Variants in PDK1 observed in about 807,000 individuals in gnomAD.
PDK1 encodes pyruvate dehydrogenase kinase 1.
In PDK1, 39 loss-of-function variants were observed where a neutral mutation model predicts 54.2. The ratio of observed to expected loss-of-function variants is 0.72; its 90% CI spans 0.56 to 0.94. The LOEUF is 0.94. Ranked by LOEUF, PDK1 falls within the 40% of genes least tolerant of loss-of-function variation. The pLI is 0.00. For synonymous variants in PDK1, 221 were observed against 207.1 expected, an observed-to-expected ratio of 1.07 and a Z score of -0.58; for missense variants, 552 against 566.0, an observed-to-expected ratio of 0.98 and a Z score of 0.25.
chr2:172,617,438 A>G, the PDK1 span, among the ~76,000 whole-genome samples: 1 of 152,044 alleles, frequency 6.6e-6, no homozygotes, highest in Non-Finnish European at 1.5e-5. Flanking sequence ...GAGAATGAAA[A>G]TTTATTCTCT....
chr2:172,645,197 A>C, the PDK1 span, among the ~76,000 whole-genome samples: 2 of 145,760 alleles, frequency 1.4e-5, no homozygotes, highest in Non-Finnish European at 3.0e-5. Context: ...ATTTACCAGC[A>C]CTGCACTGAT....
intron 9 of PDK1, among the ~76,000 whole-genome samples, chr2:172,590,762 C>T (rs973202100): frequency 2.6e-5 from 3 of 117,508 alleles, no homozygotes; most frequent in African/African-American, 8.3e-5. Context: ...CCACCCATGT[C>T]CTGCTGATTG....
At chr2:172,615,319 T>G in the PDK1 span, among the ~76,000 whole-genome samples, 1 of 152,208 alleles carries the variant, frequency 6.6e-6, no homozygotes, top group African/African-American at 2.4e-5. Flanking sequence ...ACTTCTCTAC[T>G]GCCATTAAAA....
intron 2 of PDK1, among the ~76,000 whole-genome samples, chr2:172,560,072 G>A (rs6723492): frequency 9.0e-4 from 137 of 152,218 alleles, no homozygotes; most frequent in African/African-American, 3.2e-3. Context: ...CTCAAACTCC[G>A]GAGGTCAAGG....
intron 7 of PDK1, 157 bp from the exon 8 acceptor site, chr2:172,570,569 C>T: frequency 2.1e-6 from 1 of 483,520 alleles, no homozygotes; most frequent in South Asian, 4.1e-5. Flanking sequence ...AAATTGACTC[C>T]ATTAAAAAAA....
At chr2:172,684,874 C>T in the PDK1 span, among the ~76,000 whole-genome samples, 1 of 152,310 alleles carries the variant, frequency 6.6e-6, no homozygotes, top group South Asian at 2.1e-4. Flanking sequence ...CAAATCTCAT[C>T]TTGAATTGTA....
At chr2:172,682,954 T>C in the PDK1 span, among the ~76,000 whole-genome samples, 2 of 152,046 alleles carry the variant, frequency 1.3e-5, no homozygotes, top group South Asian at 2.1e-4. Context: ...GACTTTATGG[T>C]TTTTGTGCTG....
the PDK1 span, among the ~76,000 whole-genome samples, chr2:172,699,583 C>A: frequency 6.0e-5 from 9 of 150,170 alleles, no homozygotes; most frequent in South Asian, 1.7e-3. Flanking sequence ...CAGGTAATTG[C>A]GACCGATTTT....
chr2:172,622,272 G>A, the PDK1 span, among the ~76,000 whole-genome samples: 1 of 134,192 alleles, frequency 7.5e-6, no homozygotes, highest in South Asian at 2.3e-4. Context: ...TGTGAGATAT[G>A]TTTATATCTC....
the PDK1 span, among the ~76,000 whole-genome samples, chr2:172,692,010 C>T: frequency 1.8e-3 from 268 of 152,290 alleles, 1 homozygote; most frequent in Non-Finnish European, 2.8e-3. Flanking sequence ...AGCTGGATTT[C>T]TCCCCTTTGG....
chr2:172,649,246 C>G, the PDK1 span, among the ~76,000 whole-genome samples: 1 of 152,200 alleles, frequency 6.6e-6, no homozygotes, highest in Non-Finnish European at 1.5e-5. Context: ...CTCCAGCAAA[C>G]TCCAACAGAC....
the PDK1 span, among the ~76,000 whole-genome samples, chr2:172,641,001 C>A: frequency 3.3e-4 from 7 of 21,332 alleles, no homozygotes; most frequent in Non-Finnish European, 9.5e-4. Flanking sequence ...CTTTCTTTTT[C>A]TTTTCTTTCT....
chr2:172,638,039 AACCAAT>A, the PDK1 span, among the ~76,000 whole-genome samples: 4 of 152,130 alleles, frequency 2.6e-5, no homozygotes, highest in Non-Finnish European at 5.9e-5. Flanking sequence ...AGCTGATAAA[AACCAAT>A]ATTAAGTTAA....
the PDK1 span, among the ~76,000 whole-genome samples, chr2:172,625,956 A>C: frequency 2.0e-5 from 3 of 152,210 alleles, no homozygotes; most frequent in Non-Finnish European, 1.5e-5. Context: ...CTCCCATGCA[A>C]GTGTAGTAAC....
At chr2:172,647,834 AG>A in the PDK1 span, among the ~76,000 whole-genome samples, 151,233 of 152,340 alleles carry the variant, frequency 0.99, 75,078 homozygotes, top group Middle Eastern at 1. Flanking sequence ...TTCTAAGGGA[AG>A]GTACTGTAAC....
At chr2:172,576,541 G>A (rs1465833261) in intron 8 of PDK1, among the ~76,000 whole-genome samples, 1 of 151,152 alleles carries the variant, frequency 6.6e-6, no homozygotes, top group Non-Finnish European at 1.5e-5. Context: ...TGCTTGCTGT[G>A]GTGTTATTTT....
At chr2:172,690,666 C>T in the PDK1 span, among the ~76,000 whole-genome samples, 1 of 150,232 alleles carries the variant, frequency 6.7e-6, no homozygotes, top group Non-Finnish European at 1.5e-5. Context: ...GAATACTACG[C>T]AGCCACGAAA....
chr2:172,687,517 C>T, the PDK1 span, among the ~76,000 whole-genome samples: 37 of 152,032 alleles, frequency 2.4e-4, no homozygotes, highest in Non-Finnish European at 5.3e-4. Flanking sequence ...TGTAATTGGT[C>T]TCAGGGTCAC....
At chr2:172,592,445 C>T (rs1295989880) in intron 9 of PDK1, among the ~76,000 whole-genome samples, 2 of 151,460 alleles carry the variant, frequency 1.3e-5, no homozygotes, top group Admixed American at 6.6e-5. Context: ...GACTTTGTCT[C>T]TTTCTTTCTT....
Sources: allele counts gnomAD v4.1 joint callset (sites outside exome capture counted in the v4.1 genomes callset), GRCh38; gene constraint gnomAD v4.1.1; transcripts MANE v1.5; gene names NCBI Gene and HGNC (gene_info 2026-07-23, HGNC 2026-07-21).